The following RPS6KA6 variants were observed in gnomAD, a reference collection of about 807,000 sequenced individuals.
The protein encoded by RPS6KA6 is ribosomal protein S6 kinase A6, also known as ribosomal protein S6 kinase alpha-6.
RPS6KA6 carries 27 observed loss-of-function variants against 65.4 expected under a neutral mutation model. The observed-to-expected ratio is 0.41, with a 90% CI of 0.30 to 0.57. The LOEUF is 0.57. Among genes scored for constraint, RPS6KA6 ranks in the 20% least tolerant of loss-of-function variants. The pLI is 0.24. For missense variants in RPS6KA6, 486 were observed against 555.6 expected, an observed-to-expected ratio of 0.87 and a Z score of 1.26; for synonymous variants, 190 against 184.2, an observed-to-expected ratio of 1.03 and a Z score of -0.26.
intron 8 of RPS6KA6, among the ~76,000 whole-genome samples, chrX:84,128,703 A>G (rs1196395719): frequency 1.8e-5 from 2 of 111,985 alleles, no homozygotes; most frequent in African/African-American, 3.2e-5. Flanking sequence ...TATCTACAGT[A>G]AATTCCTTTT....
chrX:84,144,669 C>T (rs2035169057), intron 6 of RPS6KA6, among the ~76,000 whole-genome samples: 1 of 110,714 alleles, frequency 9.0e-6, no homozygotes, highest in Admixed American at 9.7e-5. Flanking sequence ...AGTCATTATA[C>T]TCTTAGGTAT....
chrX:84,143,432 G>T (rs954989914), intron 6 of RPS6KA6, among the ~76,000 whole-genome samples: 12 of 111,073 alleles, frequency 1.1e-4, no homozygotes, highest in Middle Eastern at 4.6e-3. Flanking sequence ...AAATTAGGAA[G>T]TCAATTCTAT....
At chrX:84,116,569 A>G (rs750424996) in intron 11 of RPS6KA6, among the ~76,000 whole-genome samples, 6 of 111,094 alleles carry the variant, frequency 5.4e-5, no homozygotes, top group Middle Eastern at 4.7e-3. Context: ...TTCATTCCTA[A>G]TTTATCTTAT....
intron 20 of RPS6KA6, among the ~76,000 whole-genome samples, chrX:84,095,877 T>C (rs1430901986): frequency 5.4e-5 from 6 of 111,857 alleles, no homozygotes; most frequent in Non-Finnish European, 7.5e-5. Context: ...TGGAAATACA[T>C]GGTAAATCTA....
At chrX:84,163,778 A>G (rs2035555642) in intron 2 of RPS6KA6, among the ~76,000 whole-genome samples, 1 of 112,105 alleles carries the variant, frequency 8.9e-6, no homozygotes, top group Admixed American at 9.5e-5. Flanking sequence ...TGCTCTCTGT[A>G]AAACTAGATC....
At chrX:84,166,092 G>C (rs1005737297) in intron 1 of RPS6KA6, among the ~76,000 whole-genome samples, 1 of 112,122 alleles carries the variant, frequency 8.9e-6, no homozygotes, top group Admixed American at 9.5e-5. Context: ...ATAATTGCTC[G>C]TCTCAGACTA....
intron 8 of RPS6KA6, among the ~76,000 whole-genome samples, chrX:84,121,220 C>T (rs1201814915): frequency 9.0e-6 from 1 of 111,624 alleles, no homozygotes; most frequent in Admixed American, 9.5e-5. Flanking sequence ...ACACCTCAAA[C>T]ATCTACCAGC....
chrX:84,118,461 C>T (rs1227349262), intron 9 of RPS6KA6, among the ~76,000 whole-genome samples: 2 of 111,312 alleles, frequency 1.8e-5, no homozygotes, highest in Non-Finnish European at 3.8e-5. Context: ...GTATTAAGGT[C>T]TCCAAATGAT....
chrX:84,102,753 C>G (rs909131800), intron 17 of RPS6KA6, among the ~76,000 whole-genome samples: 2 of 110,673 alleles, frequency 1.8e-5, no homozygotes, highest in African/African-American at 6.6e-5. Flanking sequence ...AGGAGGTTTC[C>G]ATATCTGTGG....
Position 84,063,147 on chromosome X carries a change from TTAA to T in RPS6KA6, c.*1127_*1129del, listed in dbSNP as rs2033328609. 1 of 111,604 alleles carries T rather than the reference TTAA, an allele frequency of 9.0e-6. No homozygotes were observed. Among genetic ancestry groups the T allele is most frequent in the African/African-American group, 3.2e-5 (1 of 30,833 alleles). 9.2% of individuals were successfully genotyped at this position (111,604 alleles called of 1,213,427 possible). ...ATGTGCTCAAATTTTTTGTAGACCA[TTAA>T]TATTATTCATATTTAAAATGTTAGT... On this transcript the variant is annotated 3_prime_UTR_variant, in exon 22 of 22. Transcript: ENST00000262752.
At chrX:84,094,542 G>A (rs1194972739) in intron 20 of RPS6KA6, among the ~76,000 whole-genome samples, 2 of 109,810 alleles carry the variant, frequency 1.8e-5, no homozygotes, top group Admixed American at 2.0e-4. Flanking sequence ...CTACTTGGGA[G>A]GCTGAGGCAG....
intron 1 of RPS6KA6, among the ~76,000 whole-genome samples, chrX:84,174,478 A>G (rs1263570155): frequency 9.0e-6 from 1 of 111,631 alleles, no homozygotes; most frequent in East Asian, 2.8e-4. Flanking sequence ...AAGAGTATAC[A>G]GCCTCCAAGC....
chrX:84,092,380 T>C (rs2034064910), intron 20 of RPS6KA6, among the ~76,000 whole-genome samples: 1 of 109,928 alleles, frequency 9.1e-6, no homozygotes, highest in African/African-American at 3.3e-5. Flanking sequence ...TCCTAGCACT[T>C]TGGGAGGCTG....
chrX:84,081,160 T>C (rs780541515), intron 20 of RPS6KA6, among the ~76,000 whole-genome samples: 1 of 111,365 alleles, frequency 9.0e-6, no homozygotes, highest in African/African-American at 3.3e-5. Flanking sequence ...CGAAAACCCT[T>C]CAAAAAATCA....
chrX:84,171,301 T>C (rs1455729044), intron 1 of RPS6KA6, among the ~76,000 whole-genome samples: 1 of 111,438 alleles, frequency 9.0e-6, no homozygotes, highest in Non-Finnish European at 1.9e-5. Flanking sequence ...AACTGTGAGA[T>C]AATAAATGTG....
intron 20 of RPS6KA6, among the ~76,000 whole-genome samples, chrX:84,076,854 T>TG (rs2033673109): frequency 9.0e-6 from 1 of 111,234 alleles, no homozygotes; most frequent in African/African-American, 3.3e-5. Context: ...TTATAAAAAC[T>TG]ATTACCATCT....
Position 84,062,987 on chromosome X carries a change from G to GT in RPS6KA6, c.*1289dup, listed in dbSNP as rs764851102. ...AGCTGCTGCTGTTGTTGTAGCAACG[G>GT]TATTTTCTTCAACAACGTGAAATGA... On this transcript the variant is annotated 3_prime_UTR_variant, in exon 22 of 22. Coordinates refer to ENST00000262752, the MANE Select transcript of RPS6KA6 (RefSeq NM_014496.5). 1 of 110,432 alleles carries GT rather than the reference G, an allele frequency of 9.1e-6. No individual in the cohort carries two copies. Among genetic ancestry groups the GT allele is most frequent in the East Asian group, 2.8e-4 (1 of 3,532 alleles). The allele number at this position is 110,432 out of a possible 1,213,427, so 9.1% of individuals were successfully genotyped here. A position where few individuals can be genotyped will look rare whatever the true frequency, so the allele number is the denominator to read the frequency against.
chrX:84,131,361 C>T (rs2034893457), intron 8 of RPS6KA6, among the ~76,000 whole-genome samples: 1 of 112,366 alleles, frequency 8.9e-6, no homozygotes, highest in Non-Finnish European at 1.9e-5. Context: ...TAGATAATAG[C>T]TTAATGTATT....
At chrX:84,081,077 C>A (rs994096854) in intron 20 of RPS6KA6, among the ~76,000 whole-genome samples, 3 of 111,327 alleles carry the variant, frequency 2.7e-5, no homozygotes, top group African/African-American at 9.8e-5. Context: ...ACTAGAGAAA[C>A]AAGAGCAAAC....
Sources: gnomAD v4.1 joint callset for allele counts (sites outside exome capture counted in the v4.1 genomes callset) on GRCh38, gnomAD v4.1.1 for gene constraint, MANE v1.5 for transcripts, NCBI Gene and HGNC (gene_info 2026-07-23, HGNC 2026-07-21) for gene names.